The following RBFOX1 variants were observed in gnomAD, a reference collection of about 807,000 sequenced individuals.
RBFOX1 encodes RNA binding protein fox-1 homolog 1.
Under a neutral mutation model 57.7 loss-of-function variants are expected in RBFOX1, and 8 were observed. The ratio of observed to expected loss-of-function variants is 0.14; its 90% CI spans 0.08 to 0.25. The LOEUF (loss-of-function observed/expected upper bound fraction) is 0.25. Ranked by LOEUF, RBFOX1 falls within the 10% of genes least tolerant of loss-of-function variation. The pLI is 1.00. For missense variants in RBFOX1, 611 were observed against 548.5 expected (o/e 1.11, Z -1.14); for synonymous variants, 326 against 222.4 (o/e 1.47, Z -4.15).
At chr16:5,627,885 C>T (rs2048391157) in intron 3 of RBFOX1, among the ~76,000 whole-genome samples, 1 of 152,166 alleles carries the variant, frequency 6.6e-6, no homozygotes, top group African/African-American at 2.4e-5. Flanking sequence ...TTAGTATCCA[C>T]AAGGGGGGTC....
chr16:7,260,180 A>C (rs1245483790), intron 4 of RBFOX1, among the ~76,000 whole-genome samples: 1 of 152,194 alleles, frequency 6.6e-6, no homozygotes, highest in African/African-American at 2.4e-5. Context: ...CAAGACTTTC[A>C]TATCATTATG....
intron 4 of RBFOX1, among the ~76,000 whole-genome samples, chr16:7,482,873 C>G (rs1008256212): frequency 1.3e-5 from 2 of 152,106 alleles, no homozygotes; most frequent in African/African-American, 4.8e-5. Flanking sequence ...TTAGATGTTG[C>G]AGAAGCAAAG....
At chr16:5,356,183 A>G (rs56192025) in intron 1 of RBFOX1, among the ~76,000 whole-genome samples, 9,273 of 152,194 alleles carry the variant, frequency 0.061, 968 homozygotes, top group African/African-American at 0.21. Context: ...CGCATCTAAC[A>G]GCCAAGGGGT....
chr16:6,527,099 C>G (rs1042911663), intron 2 of RBFOX1, among the ~76,000 whole-genome samples: 1 of 152,004 alleles, frequency 6.6e-6, no homozygotes, highest in African/African-American at 2.4e-5. Flanking sequence ...CATTGCCTTT[C>G]TTTTTAAATT....
intron 1 of RBFOX1, among the ~76,000 whole-genome samples, chr16:6,299,098 G>T (rs1370726624): frequency 2.0e-5 from 3 of 152,150 alleles, no homozygotes; most frequent in Non-Finnish European, 4.4e-5. Context: ...TGTTTGCAAG[G>T]AAAGTAACCC....
chr16:6,961,037 G>A (rs1430719986), intron 3 of RBFOX1, among the ~76,000 whole-genome samples: 3 of 151,310 alleles, frequency 2.0e-5, no homozygotes, highest in African/African-American at 7.3e-5. Context: ...CAGCTACTCA[G>A]GAGGCTGAGG....
chr16:5,990,378 C>A (rs1000836244), intron 4 of RBFOX1, among the ~76,000 whole-genome samples: 5 of 152,300 alleles, frequency 3.3e-5, no homozygotes, highest in African/African-American at 1.2e-4. Flanking sequence ...CATTATATAC[C>A]ATAGGCTGAG....
At chr16:6,043,067 G>A (rs1834043) in intron 1 of RBFOX1, among the ~76,000 whole-genome samples, 44,257 of 140,330 alleles carry the variant, frequency 0.32, 6,921 homozygotes, top group Middle Eastern at 0.42. Flanking sequence ...GTGTTGAGCC[G>A]AGATCACATC....
At chr16:5,322,868 T>C (rs2151253970) in intron 1 of RBFOX1, among the ~76,000 whole-genome samples, 1 of 152,352 alleles carries the variant, frequency 6.6e-6, no homozygotes, top group African/African-American at 2.4e-5. Flanking sequence ...CACTCACCTG[T>C]CATACTGATT....
At chr16:5,576,534 T>G (rs1458854957) in intron 2 of RBFOX1, among the ~76,000 whole-genome samples, 3 of 152,240 alleles carry the variant, frequency 2.0e-5, no homozygotes, top group Non-Finnish European at 2.9e-5. Context: ...ATTTCCCAGA[T>G]GAATCCTATA....
At chr16:6,787,263 C>G (rs892425557) in intron 3 of RBFOX1, among the ~76,000 whole-genome samples, 4 of 152,156 alleles carry the variant, frequency 2.6e-5, no homozygotes, top group African/African-American at 9.6e-5. Context: ...CTGATCGGCC[C>G]GTTCTAGGCA....
chr16:5,949,918 T>C (rs2059486495), intron 4 of RBFOX1, among the ~76,000 whole-genome samples: 1 of 152,210 alleles, frequency 6.6e-6, no homozygotes, highest in South Asian at 2.1e-4. Flanking sequence ...TCTCATAATC[T>C]GGGCCTCTCT....
chr16:6,132,930 A>C (rs1378516138), intron 1 of RBFOX1, among the ~76,000 whole-genome samples: 1 of 149,734 alleles, frequency 6.7e-6, no homozygotes, highest in Non-Finnish European at 1.5e-5. Flanking sequence ...ATGCCACTGC[A>C]CTCCATCCTG....
rs541982832 is a variant in RBFOX1, at chr16:6,886,637, C to T, written c.-15-165420C>T. Reference sequence around the variant, plus strand: ...GGGCGTGGTGGTGCTCACCTGTAATCCTAGCTGCTCAGGAGGCTGAGGCAC... The same window carrying T: ...GGGCGTGGTGGTGCTCACCTGTAATTCTAGCTGCTCAGGAGGCTGAGGCAC... On this transcript the variant is annotated intron_variant, in intron 3 of 15. Coordinates refer to ENST00000550418, the MANE Select transcript of RBFOX1 (RefSeq NM_018723.4). Among the ~76,000 whole-genome samples, 16 of 151,980 alleles carry T rather than the reference C, an allele frequency of 1.1e-4. No individual in the cohort carries two copies. In the South Asian group the frequency reaches 2.9e-3, roughly 28 times the overall value.
At chr16:7,652,538 G>A (rs993395090) in intron 11 of RBFOX1, among the ~76,000 whole-genome samples, 1 of 152,188 alleles carries the variant, frequency 6.6e-6, no homozygotes, top group African/African-American at 2.4e-5. Context: ...CTCCCAAGTA[G>A]CGGGAATTAT....
rs895370731 is a variant in RBFOX1 at position 6,908,005 on chromosome 16, G to A, written c.-15-144052G>A. ...CTCTGTGTCTCTATTTTCCCTTTTA[G>A]TGAGGACATGGTCATATTGGATTAG... On this transcript the variant is annotated intron_variant, in intron 3 of 15. Coordinates refer to ENST00000550418, the MANE Select transcript of RBFOX1 (RefSeq NM_018723.4). 2.0e-5 allele frequency among the ~76,000 whole-genome samples: 3 copies of A among 151,792 alleles called. No homozygotes were observed. In the East Asian group the frequency reaches 5.8e-4, roughly 29 times the overall value.
intron 4 of RBFOX1, among the ~76,000 whole-genome samples, chr16:5,929,963 G>A (rs1194573398): frequency 2.6e-5 from 4 of 151,920 alleles, no homozygotes; most frequent in African/African-American, 9.7e-5. Context: ...AATGTGGCTG[G>A]TCAGGAAAGG....
At chr16:6,000,738 T>C (rs2060584207) in intron 4 of RBFOX1, among the ~76,000 whole-genome samples, 1 of 140,128 alleles carries the variant, frequency 7.1e-6, no homozygotes, top group African/African-American at 2.6e-5. Context: ...GATGAGTGCA[T>C]GGGTAGATGG....
chr16:5,533,414 T>G (rs1402757718), intron 2 of RBFOX1, among the ~76,000 whole-genome samples: 1 of 152,182 alleles, frequency 6.6e-6, no homozygotes, highest in Non-Finnish European at 1.5e-5. Context: ...GTTTCATCAC[T>G]GGGGAAGGGG....
Sources: allele counts gnomAD v4.1 joint callset (sites outside exome capture counted in the v4.1 genomes callset), GRCh38; gene constraint gnomAD v4.1.1; transcripts MANE v1.5; gene names NCBI Gene and HGNC (gene_info 2026-07-23, HGNC 2026-07-21).